Variants in FGF13 observed in about 807,000 individuals in gnomAD.
FGF13 encodes fibroblast growth factor 13.
FGF13 carries 2 observed loss-of-function variants against 19.5 expected under a neutral mutation model. That is an observed-to-expected ratio of 0.10 (90% CI 0.04 to 0.32). The LOEUF (loss-of-function observed/expected upper bound fraction) is 0.32. FGF13 is among the 10% of genes least tolerant of loss of function. The pLI is 1.00. For synonymous variants in FGF13, 72 were observed against 76.9 expected, an observed-to-expected ratio of 0.94 and a Z score of 0.33; for missense variants, 113 against 192.7, an observed-to-expected ratio of 0.59 and a Z score of 2.45.
chrX:139,016,654 C>A (rs1462976575), intron 1 of FGF13, among the ~76,000 whole-genome samples: 1 of 111,825 alleles, frequency 8.9e-6, no homozygotes, highest in Non-Finnish European at 1.9e-5. Flanking sequence ...TTCACTTCAG[C>A]ATTTGGCTCC....
At chrX:138,905,842 T>C (rs766220875) in intron 1 of FGF13, among the ~76,000 whole-genome samples, 1 of 111,602 alleles carries the variant, frequency 9.0e-6, no homozygotes, top group African/African-American at 3.3e-5. Context: ...ACCACCATTC[T>C]CTATCTGATC....
chrX:139,070,512 G>C lies in FGF13; in HGVS notation c.-113+132904C>G, dbSNP rs182339703. On this transcript the variant is annotated intron_variant, in intron 1 of 2. Coordinates refer to the FGF13 transcript ENST00000421460. ...GGAGAGGATGTGAAGAAATAGGAAT[G>C]CTTTTACACTGTTGGTGGGAGTGTA... is the stretch of plus-strand genomic sequence containing the variant. 7.8e-4 allele frequency among the ~76,000 whole-genome samples: 88 copies of C among 112,313 alleles called. 1 individual carries two copies. In the East Asian group the frequency reaches 0.022, roughly 28 times the overall value.
intron 1 of FGF13, among the ~76,000 whole-genome samples, chrX:138,938,017 T>C (rs978449206): frequency 9.0e-6 from 1 of 111,148 alleles, no homozygotes; most frequent in African/African-American, 3.3e-5. Flanking sequence ...AGAAGCCAAT[T>C]AAAGAGACTG....
At chrX:138,993,417 A>G (rs1368118196) in intron 1 of FGF13, among the ~76,000 whole-genome samples, 2 of 112,145 alleles carry the variant, frequency 1.8e-5, no homozygotes, top group Non-Finnish European at 3.8e-5. Flanking sequence ...GTCTAAAATT[A>G]TTTCAAAATA....
intron 1 of FGF13, among the ~76,000 whole-genome samples, chrX:139,173,135 T>C (rs2084147314): frequency 1.8e-5 from 2 of 111,941 alleles, no homozygotes; most frequent in Non-Finnish European, 1.9e-5. Flanking sequence ...AGGAAGTGAT[T>C]CCTTGACAAA....
At chrX:138,894,713 A>C (rs768931573) in intron 1 of FGF13, among the ~76,000 whole-genome samples, 85 of 111,258 alleles carry the variant, frequency 7.6e-4, no homozygotes, top group South Asian at 1.2e-3. Context: ...ATGGATTCAC[A>C]GCCGAATTCT....
At chrX:138,679,173 C>A (rs2124186932) in intron 3 of FGF13, among the ~76,000 whole-genome samples, 1 of 111,740 alleles carries the variant, frequency 8.9e-6, no homozygotes, top group South Asian at 3.8e-4. Flanking sequence ...ATCTCCTGGG[C>A]TCAAGCAATC....
intron 3 of FGF13, among the ~76,000 whole-genome samples, chrX:138,777,785 A>G (rs1025972375): frequency 4.5e-5 from 5 of 111,656 alleles, no homozygotes; most frequent in African/African-American, 1.6e-4. Context: ...CAATGGAGTG[A>G]CTTCTTGCTA....
rs763756865 is a variant in FGF13 at position 139,028,819 on chromosome X, A to C, written c.-112-164169T>G. Among the ~76,000 whole-genome samples the C allele has an allele frequency of 6.9e-4, 76 of 110,007 alleles. 1 individual carries two copies. The highest frequency in any genetic ancestry group is 2.2e-3 in the African/African-American group (68 of 30,280). On this transcript the variant is annotated intron_variant, in intron 1 of 2. Transcript: ENST00000421460. ...AATCTGTTTTATACACATTGGATAG[A>C]ATCGTTGGTAGCTTTTTTTAAGTAA... is the stretch of plus-strand genomic sequence containing the variant.
intron 3 of FGF13, among the ~76,000 whole-genome samples, chrX:138,827,352 G>C (rs2091040938): frequency 1.8e-5 from 2 of 111,772 alleles, no homozygotes; most frequent in East Asian, 5.6e-4. Context: ...GCAGTACTTT[G>C]TAACTGTGGA....
At chrX:139,203,998 A>AG, upstream of FGF13, 1 of 1,150,161 alleles carries the variant, frequency 8.7e-7, no homozygotes, top group Non-Finnish European at 1.2e-6. Context: ...GGCGGCGCGC[A>AG]CGCGAGGGGG....
At chrX:139,179,632 T>A (rs2084223465) in intron 1 of FGF13, among the ~76,000 whole-genome samples, 1 of 112,332 alleles carries the variant, frequency 8.9e-6, no homozygotes, top group African/African-American at 3.2e-5. Flanking sequence ...ATGGGGAATA[T>A]AACAGAAACA....
At chrX:138,873,495 G>A (rs1202476945) in intron 1 of FGF13, among the ~76,000 whole-genome samples, 3 of 111,737 alleles carry the variant, frequency 2.7e-5, no homozygotes, top group Non-Finnish European at 5.6e-5. Context: ...GAAAACTAAC[G>A]CAAAGGGGAA....
At chrX:138,911,201 T>G (rs2091585528) in intron 1 of FGF13, among the ~76,000 whole-genome samples, 2 of 112,000 alleles carry the variant, frequency 1.8e-5, no homozygotes, top group South Asian at 7.6e-4. Flanking sequence ...ATACATACTT[T>G]GCCTGAGCGC....
At chrX:139,043,491 G>A (rs1023450225) in intron 1 of FGF13, among the ~76,000 whole-genome samples, 7 of 111,047 alleles carry the variant, frequency 6.3e-5, no homozygotes, top group Non-Finnish European at 1.3e-4. Context: ...GGGATTACAG[G>A]TGTGAGCCAC....
chrX:138,658,891 C>T lies in FGF13; in HGVS notation c.403-23236G>A, dbSNP rs184550347. On this transcript the variant is annotated intron_variant, in intron 3 of 4. Coordinates refer to ENST00000315930, the MANE Select transcript of FGF13 (RefSeq NM_004114.5). ...AAGAAGAATTTTTTAAAGTGTAAGT[C>T]CTCATCTCTTGCCTATTCTGACAAA... Among the ~76,000 whole-genome samples, 4 of 111,982 alleles carry T rather than the reference C, an allele frequency of 3.6e-5. No homozygotes were observed. The Admixed American group carries it at 3.8e-4, about 11-fold the overall frequency.
chrX:138,830,687 T>TGTGTGTGTG (rs1556225883), intron 3 of FGF13, among the ~76,000 whole-genome samples: 3 of 87,516 alleles, frequency 3.4e-5, no homozygotes, highest in Middle Eastern at 6.7e-3. Context: ...AAAGGGGTGT[T>TGTGTGTGTG]TGTGTGTGTG....
chrX:138,749,367 A>G (rs958148901), intron 3 of FGF13, among the ~76,000 whole-genome samples: 10 of 103,406 alleles, frequency 9.7e-5, no homozygotes, highest in African/African-American at 3.4e-4. Flanking sequence ...ACACACACAC[A>G]CACGTACACA....
intron 1 of FGF13, among the ~76,000 whole-genome samples, chrX:138,900,024 A>T (rs1005931293): frequency 3.6e-5 from 4 of 110,558 alleles, no homozygotes; most frequent in Admixed American, 9.6e-5. Context: ...TTTTGGAGAT[A>T]AAAAAAATGG....
Sources: allele counts gnomAD v4.1 joint callset (sites outside exome capture counted in the v4.1 genomes callset), GRCh38; gene constraint gnomAD v4.1.1; transcripts MANE v1.5; gene names NCBI Gene and HGNC (gene_info 2026-07-23, HGNC 2026-07-21).